Variants in SLC27A1 observed in about 807,000 individuals in gnomAD.
The protein encoded by SLC27A1 is long-chain fatty acid transport protein 1.
Under a neutral mutation model 62.2 loss-of-function variants are expected in SLC27A1, and 61 were observed. That is an observed-to-expected ratio of 0.98 (90% CI 0.80 to 1.21). SLC27A1 has a LOEUF of 1.21. Among genes scored for constraint, SLC27A1 ranks in the 50% most tolerant of loss-of-function variants. The pLI, the probability that SLC27A1 is intolerant of heterozygous loss-of-function variation, is 0.00. For missense variants in SLC27A1, 903 were observed against 932.1 expected (o/e 0.97, Z 0.41); for synonymous variants, 435 against 408.6 (o/e 1.06, Z -0.78).
Position 17,486,633 on chromosome 19 carries a change from C to T in SLC27A1, c.238C>T (p.Arg80Cys), listed in dbSNP as rs770725225. Residue 80 changes from arginine to cysteine, a missense_variant, in exon 2 of 12, where the codon CGC becomes TGC. Physicochemically the swap from Arg to Cys is radical, Grantham distance 180. Transcript: ENST00000252595. The surrounding 1 kb of genome is among the most constrained non-coding windows in gnomAD (Gnocchi z 6.6). ...RHQRAGHTIPRIFQAVVQRQP... is the reference protein window; with the variant it reads ...RHQRAGHTIPCIFQAVVQRQP... ...CCAGCGTGCCGGCCACACCATCCCGCGCATCTTTCAGGCGGTAGTGCAGCG... is the reference window on the plus strand; with the variant it reads ...CCAGCGTGCCGGCCACACCATCCCGTGCATCTTTCAGGCGGTAGTGCAGCG... 2.5e-6 allele frequency: 4 copies of T among 1,602,342 alleles called. No homozygotes were observed. In the South Asian group the frequency reaches 3.3e-5, roughly 13 times the overall value.
chr19:17,500,576 C>G lies in SLC27A1; in HGVS notation c.1415C>G (p.Thr472Ser), dbSNP rs2075399712. Residue 472 changes from threonine to serine, a missense_variant, in exon 9 of 12, where the codon ACC (threonine) becomes AGC (serine). Transcript: ENST00000252595. ...RFDGYVSESA[T>S]SKKIAHSVFS... ...GATGGCTATGTCAGCGAGAGCGCCA[C>G]CAGCAAGAAGATCGCCCACAGCGTC... 1 of 1,613,736 alleles carries G rather than the reference C, an allele frequency of 6.2e-7. No individual in the cohort carries two copies. The highest frequency in any genetic ancestry group is 8.5e-7 in the Non-Finnish European group (1 of 1,179,926).
chr19:17,502,386 C>CGCTT (rs2075427142), intron 11 of SLC27A1, among the ~76,000 whole-genome samples: 1 of 109,248 alleles, frequency 9.2e-6, no homozygotes, highest in South Asian at 3.3e-4. Context: ...GAGTCTTGCT[C>CGCTT]TGTCACCCAG....
chr19:17,504,826 C>T lies in SLC27A1; in HGVS notation c.*214C>T. 1 of 703,236 alleles carries T rather than the reference C, an allele frequency of 1.4e-6. No individual in the cohort carries two copies. Among genetic ancestry groups the T allele is most frequent in the South Asian group, 1.5e-5 (1 of 66,848 alleles). The allele number at this position is 703,236 out of a possible 1,614,324, so 43.6% of individuals were successfully genotyped here. ...GTGTCTGCCTCCTCTCCCTGCTTTT[C>T]AGCCTCTGTCTCCTTCCATCCCTGT... On this transcript the variant is annotated 3_prime_UTR_variant, in exon 12 of 12. Coordinates refer to ENST00000252595, the MANE Select transcript of SLC27A1 (RefSeq NM_198580.3).
upstream of SLC27A1, among the ~76,000 whole-genome samples, chr19:17,469,657 G>C (rs373407748): frequency 0.013 from 2,037 of 152,240 alleles, 23 homozygotes; most frequent in South Asian, 0.044. Context: ...TCTGGAAGAC[G>C]GCCGGCCTCG....
chr19:17,487,923 C>G (rs2075253778), intron 4 of SLC27A1, among the ~76,000 whole-genome samples: 1 of 152,026 alleles, frequency 6.6e-6, no homozygotes, highest in Non-Finnish European at 1.5e-5. Flanking sequence ...CCAGCCCCTC[C>G]TCGGGCTCCT....
At chr19:17,476,896 T>TG (rs2075128436) in intron 1 of SLC27A1, among the ~76,000 whole-genome samples, 1 of 149,968 alleles carries the variant, frequency 6.7e-6, no homozygotes, top group Non-Finnish European at 1.5e-5. Context: ...TTTTTTTTTT[T>TG]TTTTTTTTTT....
intron 1 of SLC27A1, among the ~76,000 whole-genome samples, chr19:17,474,522 T>C (rs1344801027): frequency 2.6e-5 from 4 of 152,136 alleles, no homozygotes; most frequent in African/African-American, 9.7e-5. Flanking sequence ...CATACTTGCC[T>C]GTGGGTGGCA....
At chr19:17,479,213 C>T (rs2075152637) in intron 1 of SLC27A1, among the ~76,000 whole-genome samples, 1 of 152,144 alleles carries the variant, frequency 6.6e-6, no homozygotes, top group African/African-American at 2.4e-5. Flanking sequence ...CAAGACCAGC[C>T]TGGCCAACAA....
chr19:17,479,695 G>A (rs949643016), intron 1 of SLC27A1, among the ~76,000 whole-genome samples: 9 of 152,024 alleles, frequency 5.9e-5, no homozygotes, highest in Middle Eastern at 3.2e-3. Context: ...CTCAGCTGGA[G>A]TGCAGTGGTG....
chr19:17,500,673 G>A (rs747754629), intron 9 of SLC27A1, 39 bp from the exon 10 acceptor site: 2 of 1,613,888 alleles, frequency 1.2e-6, no homozygotes, highest in Admixed American at 1.7e-5. Flanking sequence ...CTGTGCGGAT[G>A]GGGATCCTCC....
At chr19:17,488,757 C>A in intron 4 of SLC27A1, 91 bp from the exon 5 acceptor site, 2 of 1,194,894 alleles carry the variant, frequency 1.7e-6, no homozygotes, top group Non-Finnish European at 2.4e-6. Flanking sequence ...CTGGCTTTGC[C>A]TGGGTCCACA....
Position 17,486,537 on chromosome 19 carries a change from G to A in SLC27A1, c.168-26G>A. 2 of 1,547,966 alleles carry A rather than the reference G, an allele frequency of 1.3e-6. No individual in the cohort carries two copies. Among genetic ancestry groups the A allele is most frequent in the East Asian group, 2.4e-5 (1 of 41,704 alleles). ...CCAGGCGGGGCAGGGCACCAGTGAC[G>A]CTGTCCCCTCCGTCCTCCCTCCCAG... is the stretch of plus-strand genomic sequence containing the variant. On this transcript the variant is annotated intron_variant, in intron 1 of 11. Coordinates refer to ENST00000252595, the MANE Select transcript of SLC27A1 (RefSeq NM_198580.3). This position sits in a 1 kb window ranked among gnomAD's most constrained non-coding sequence, Gnocchi z 6.6.
intron 1 of SLC27A1, among the ~76,000 whole-genome samples, chr19:17,481,722 C>T (rs368576805): frequency 2.0e-5 from 3 of 152,042 alleles, no homozygotes; most frequent in African/African-American, 4.8e-5. Flanking sequence ...AGGCTGGTCT[C>T]GAACTGCTGG....
chr19:17,489,241 GGTCAGGTCCCGTCCTCTCCCA>G, intron 6 of SLC27A1, 124 bp downstream of exon 6: 1 of 764,238 alleles, frequency 1.3e-6, no homozygotes, highest in Non-Finnish European at 2.2e-6. Flanking sequence ...ACCTCCTCCT[GGTCAGGTCCCGTCCTCTCCCA>G]GCCAGGCCCC....
intron 1 of SLC27A1, among the ~76,000 whole-genome samples, chr19:17,473,678 G>A (rs2075097341): frequency 6.6e-6 from 1 of 152,262 alleles, no homozygotes. Flanking sequence ...CCTGGCCAAC[G>A]TGGCGAAGCC....
chr19:17,476,585 T>A (rs927525013), intron 1 of SLC27A1, among the ~76,000 whole-genome samples: 21 of 150,558 alleles, frequency 1.4e-4, no homozygotes, highest in Non-Finnish European at 7.4e-5. Flanking sequence ...ATTGGGCACC[T>A]GCTGTGTGCC....
chr19:17,469,253 G>A (rs1230491465), upstream of SLC27A1, among the ~76,000 whole-genome samples: 1 of 152,206 alleles, frequency 6.6e-6, no homozygotes, highest in African/African-American at 2.4e-5. Flanking sequence ...TAAGACCGCG[G>A]CGGTGTTTAC....
At chr19:17,489,248 T>C (rs10418156) in intron 6 of SLC27A1, 131 bp downstream of exon 6, 579,708 of 713,132 alleles carry the variant, frequency 0.81, 242,161 homozygotes, top group Non-Finnish European at 0.89. Flanking sequence ...CCTGGTCAGG[T>C]CCCGTCCTCT....
rs866666139 is a variant in SLC27A1, at chr19:17,506,123, T to G, written c.*1511T>G. On this transcript the variant is annotated 3_prime_UTR_variant, in exon 12 of 12. Transcript: ENST00000252595. The stretch of plus-strand genomic sequence containing the variant: ...CTCATGTGAACTTTCCTGGGCACTG[T>G]GGTTTTATTTCCTAATTGATTTAAG... The G allele has an allele frequency of 6.6e-6, 1 of 152,220 alleles. No individual in the cohort carries two copies. Among genetic ancestry groups the G allele is most frequent in the African/African-American group, 2.4e-5 (1 of 41,448 alleles). The allele number at this position is 152,220 out of a possible 1,614,324, so 9.4% of individuals were successfully genotyped here. A position where few individuals can be genotyped will look rare whatever the true frequency, so the allele number is the denominator to read the frequency against.
Sources: gnomAD v4.1 joint callset for allele counts (sites outside exome capture counted in the v4.1 genomes callset) on GRCh38, gnomAD v4.1.1 for gene constraint, Gnocchi (gnomAD v3.1) non-coding constraint, MANE v1.5 for transcripts, NCBI Gene and HGNC (gene_info 2026-07-23, HGNC 2026-07-21) for gene names.